The following STK3 variants were observed in gnomAD, a reference collection of about 807,000 sequenced individuals.
The protein encoded by STK3 is serine/threonine-protein kinase 3.
Under a neutral mutation model 58.0 loss-of-function variants are expected in STK3, and 41 were observed. The ratio of observed to expected loss-of-function variants is 0.71; its 90% confidence interval spans 0.55 to 0.92. STK3 has a LOEUF of 0.92. Among genes scored for constraint, STK3 ranks in the 40% least tolerant of loss-of-function variants. The probability of loss-of-function intolerance (pLI) is 0.00; values close to 1 mark genes in which losing one functional copy is unlikely to be tolerated. For missense variants in STK3, 479 were observed against 602.7 expected (o/e 0.79, Z 2.15); for synonymous variants, 170 against 191.0 (o/e 0.89, Z 0.91).
chr8:98,372,084 G>A (rs1322747323), intron 2 of STK3, among the ~76,000 whole-genome samples: 1 of 152,150 alleles, frequency 6.6e-6, no homozygotes, highest in Admixed American at 6.5e-5. Context: ...GAAGACAGAG[G>A]CAGAGGTTGG....
chr8:98,376,869 A>G (rs1817681097), intron 2 of STK3, among the ~76,000 whole-genome samples: 2 of 152,360 alleles, frequency 1.3e-5, no homozygotes, highest in South Asian at 2.1e-4. Flanking sequence ...TCATAACACC[A>G]TGTTTTATAA....
chr8:98,390,675 T>C, upstream of STK3, among the ~76,000 whole-genome samples: 1 of 152,182 alleles, frequency 6.6e-6, no homozygotes, highest in East Asian at 1.9e-4. Flanking sequence ...CTCTGATGAC[T>C]TAAATGTCAG....
At chr8:98,858,353 G>GAGAGAGAGAGAC (rs1836785373) in intron 3 of STK3, among the ~76,000 whole-genome samples, 4 of 137,204 alleles carry the variant, frequency 2.9e-5, no homozygotes, top group East Asian at 2.2e-4. Context: ...GAGAGAGAGA[G>GAGAGAGAGAGAC]AGAGAGACAG....
intron 10 of STK3, among the ~76,000 whole-genome samples, chr8:98,475,698 A>G (rs1228460987): frequency 6.6e-6 from 1 of 152,252 alleles, no homozygotes; most frequent in Admixed American, 6.5e-5. Context: ...GATAAAAGTC[A>G]GCATCAAGTT....
intron 6 of STK3, among the ~76,000 whole-genome samples, chr8:98,625,679 G>A (rs1452094038): frequency 1.3e-5 from 2 of 152,140 alleles, no homozygotes; most frequent in East Asian, 1.9e-4. Flanking sequence ...AAATTGAAAC[G>A]AATCTATTTG....
At chr8:98,666,589 C>A (rs1003415172) in intron 6 of STK3, among the ~76,000 whole-genome samples, 4 of 152,060 alleles carry the variant, frequency 2.6e-5, no homozygotes, top group African/African-American at 9.7e-5. Flanking sequence ...TAAAAGTAAA[C>A]CAAAATTTTC....
At chr8:98,429,405 C>T (rs763823471) in intron 3 of STK3, 11 of 1,606,368 alleles carry the variant, frequency 6.8e-6, no homozygotes, top group African/African-American at 5.4e-5. Flanking sequence ...AAATGATTCC[C>T]TACGTTAGCC....
chr8:98,772,859 T>C (rs1418222518), intron 2 of STK3, among the ~76,000 whole-genome samples: 5 of 152,232 alleles, frequency 3.3e-5, no homozygotes, highest in Non-Finnish European at 7.3e-5. Flanking sequence ...ACCGTGCTTT[T>C]TGCAGTGTCT....
At chr8:98,526,987 G>C in intron 9 of STK3, 70 bp from the exon 10 acceptor site, 2 of 1,281,374 alleles carry the variant, frequency 1.6e-6, no homozygotes, top group Non-Finnish European at 1.0e-6. Flanking sequence ...TTTGAAGTAT[G>C]ATTTTTTTAT....
At chr8:98,694,401 C>T (rs778519075) in intron 6 of STK3, among the ~76,000 whole-genome samples, 4 of 151,796 alleles carry the variant, frequency 2.6e-5, no homozygotes, top group Non-Finnish European at 4.4e-5. Flanking sequence ...GCACAATGTG[C>T]AGGTTAGTTA....
At chr8:98,649,705 G>C (rs1313397453) in intron 6 of STK3, among the ~76,000 whole-genome samples, 1 of 152,110 alleles carries the variant, frequency 6.6e-6, no homozygotes, top group Non-Finnish European at 1.5e-5. Context: ...TAGTCAACAA[G>C]TATGAACATT....
At chr8:98,471,968 A>G (rs1299104427) in intron 10 of STK3, among the ~76,000 whole-genome samples, 3 of 152,248 alleles carry the variant, frequency 2.0e-5, no homozygotes, top group Non-Finnish European at 2.9e-5. Flanking sequence ...AAGTATTCTT[A>G]TATAGAGAGA....
chr8:98,884,914 G>C (rs1837922207), intron 1 of STK3, among the ~76,000 whole-genome samples: 1 of 152,146 alleles, frequency 6.6e-6, no homozygotes, highest in Admixed American at 6.5e-5. Flanking sequence ...ATTTTATGAT[G>C]CTGGGAACCA....
At chr8:98,934,399 A>T (rs1030717130) in intron 1 of STK3, among the ~76,000 whole-genome samples, 3 of 152,122 alleles carry the variant, frequency 2.0e-5, no homozygotes, top group Non-Finnish European at 4.4e-5. Flanking sequence ...TCCAAGTCCG[A>T]CCCACCTTCT....
At chr8:98,846,660 C>G (rs960004646) in intron 3 of STK3, among the ~76,000 whole-genome samples, 1 of 152,014 alleles carries the variant, frequency 6.6e-6, no homozygotes, top group Admixed American at 6.6e-5. Context: ...TTTTCCTCCC[C>G]CAAAGCCCTA....
intron 3 of STK3, among the ~76,000 whole-genome samples, chr8:98,759,431 C>T (rs1830487744): frequency 6.6e-6 from 1 of 152,160 alleles, no homozygotes; most frequent in African/African-American, 2.4e-5. Context: ...TACAAAGGTG[C>T]AGTTCGTGGC....
At chr8:98,864,774 ACT>A (rs1837072386) in intron 3 of STK3, among the ~76,000 whole-genome samples, 1 of 152,120 alleles carries the variant, frequency 6.6e-6, no homozygotes, top group Non-Finnish European at 1.5e-5. Flanking sequence ...GTCACATAAC[ACT>A]CTGAACATAA....
intron 6 of STK3, among the ~76,000 whole-genome samples, chr8:98,667,833 T>TA (rs984599933): frequency 7.9e-5 from 12 of 152,018 alleles, no homozygotes; most frequent in South Asian, 2.1e-4. Context: ...TCTTCAATGT[T>TA]AAAAAAATCC....
At chr8:98,595,887 G>A in intron 7 of STK3, 145 bp downstream of exon 7, 1 of 869,298 alleles carries the variant, frequency 1.2e-6, no homozygotes, top group South Asian at 3.2e-5. Flanking sequence ...GAGAGGGGAG[G>A]AAAGAAAAGA....
Sources: gnomAD v4.1 joint callset for allele counts (sites outside exome capture counted in the v4.1 genomes callset) on GRCh38, gnomAD v4.1.1 for gene constraint, MANE v1.5 for transcripts, NCBI Gene and HGNC (gene_info 2026-07-23, HGNC 2026-07-21) for gene names.